Variants in SUFU observed in about 807,000 individuals in gnomAD.
The protein encoded by SUFU is SUFU negative regulator of hedgehog signaling.
Under a neutral mutation model 58.9 loss-of-function variants are expected in SUFU, and 7 were observed. The observed-to-expected ratio is 0.12, with a 90% CI of 0.07 to 0.22. The LOEUF is 0.22. SUFU is among the 10% of genes least tolerant of loss of function. The probability of loss-of-function intolerance (pLI) is 1.00; values close to 1 mark genes in which losing one functional copy is unlikely to be tolerated. For missense variants in SUFU, 451 were observed against 641.3 expected (o/e 0.70, Z 3.20); for synonymous variants, 232 against 254.8 (o/e 0.91, Z 0.85).
chr10:102,509,149 CTG>C lies in SUFU; in HGVS notation c.183-16_183-15del. 6.2e-7 allele frequency: 1 copy of C among 1,613,522 alleles called. No homozygotes were observed. The highest frequency in any genetic ancestry group is 8.5e-7 in the Non-Finnish European group (1 of 1,180,000). ...GATTTCCAGGCTTACACTAACACCC[CTG>C]TGTTTTGTTTTTTGCAGGTTGGGTG... On this transcript the variant is annotated intron_variant, in intron 1 of 11. Coordinates refer to ENST00000369902, the MANE Select transcript of SUFU (RefSeq NM_016169.4).
chr10:102,608,806 C>G (rs1235151589), intron 8 of SUFU, among the ~76,000 whole-genome samples: 2 of 152,208 alleles, frequency 1.3e-5, no homozygotes, highest in Non-Finnish European at 2.9e-5. Context: ...TACATTTTCC[C>G]TCTGTCCTCC....
chr10:102,555,833 A>G (rs939852318), intron 3 of SUFU, among the ~76,000 whole-genome samples: 1 of 152,240 alleles, frequency 6.6e-6, no homozygotes, highest in Non-Finnish European at 1.5e-5. Flanking sequence ...GTTACACGCT[A>G]CAAGAGTTAC....
chr10:102,605,575 T>C (rs898470485), intron 8 of SUFU, among the ~76,000 whole-genome samples: 1 of 152,192 alleles, frequency 6.6e-6, no homozygotes, highest in Non-Finnish European at 1.5e-5. Context: ...TTTACTCCTA[T>C]ATTGTCCTTA....
chr10:102,504,338 T>G lies in SUFU; in HGVS notation c.182+4T>G. On this transcript the variant is annotated splice_donor_region_variant and intron_variant, in intron 1 of 11. Transcript: ENST00000369902. Reference sequence around the variant, plus strand: ...TTACCGCTATCGTCAAGTACTGGTATGCTCTGGGCCGCGGGGAGACGGACA... The same window carrying G: ...TTACCGCTATCGTCAAGTACTGGTAGGCTCTGGGCCGCGGGGAGACGGACA... 6.2e-7 allele frequency: 1 copy of G among 1,614,078 alleles called. No homozygotes were observed. The highest frequency in any genetic ancestry group is 1.3e-5 in the African/African-American group (1 of 75,032).
rs759362076 is a variant in SUFU at position 102,630,164 on chromosome 10, G to A, written c.*9G>A. The A allele has an allele frequency of 5.6e-6, 9 of 1,612,410 alleles. No individual in the cohort carries two copies. In the South Asian group the frequency reaches 9.9e-5, roughly 18 times the overall value. On this transcript the variant is annotated 3_prime_UTR_variant, in exon 12 of 12. Coordinates refer to ENST00000369902, the MANE Select transcript of SUFU (RefSeq NM_016169.4). ...ACAGTCCGCTACACTAGCCTGGGCT[G>A]GGCCCTGCAGTGGCCAGCAGGGAGC... is the stretch of plus-strand genomic sequence containing the variant.
intron 3 of SUFU, among the ~76,000 whole-genome samples, chr10:102,563,543 A>G (rs2063059549): frequency 6.6e-6 from 1 of 151,964 alleles, no homozygotes; most frequent in Non-Finnish European, 1.5e-5. Context: ...GTGGTGGCTT[A>G]TACGTGTACT....
At chr10:102,614,322 G>A (rs899186359) in intron 8 of SUFU, among the ~76,000 whole-genome samples, 1 of 149,806 alleles carries the variant, frequency 6.7e-6, no homozygotes, top group African/African-American at 2.5e-5. Flanking sequence ...TTGGGAGGCC[G>A]AGGTAGGCAG....
chr10:102,573,179 TC>T (rs1590043531), intron 3 of SUFU: 1 of 764,328 alleles, frequency 1.3e-6, no homozygotes, highest in Non-Finnish European at 2.4e-6. Flanking sequence ...TGCTTTGGCT[TC>T]GGCTTTAGGA....
intron 2 of SUFU, among the ~76,000 whole-genome samples, chr10:102,513,821 T>C (rs926464941): frequency 2.0e-5 from 3 of 152,258 alleles, no homozygotes; most frequent in African/African-American, 7.2e-5. Flanking sequence ...TTGTTGCCAC[T>C]TGTAGTATTA....
At position 102,504,084 on chromosome 10, in the gene SUFU, C is replaced by G; in HGVS notation, c.-69C>G. 6.7e-7 allele frequency: 1 copy of G among 1,486,600 alleles called. No homozygotes were observed. The highest frequency in any genetic ancestry group is 1.4e-5 in the African/African-American group (1 of 71,400). The allele number at this position is 1,486,600 out of a possible 1,614,324, so 92.1% of individuals were successfully genotyped here. On this transcript the variant is annotated 5_prime_UTR_variant, in exon 1 of 12. Coordinates refer to ENST00000369902, the MANE Select transcript of SUFU (RefSeq NM_016169.4). ...GAGTCTCACCCACCGAGTCCGCCCG[C>G]TGGCCCGTCAGTGCTCTCCCCGTCG...
intron 8 of SUFU, among the ~76,000 whole-genome samples, chr10:102,606,373 GGGCTGGTCCTCGC>G (rs2063562858): frequency 6.6e-6 from 1 of 152,178 alleles, no homozygotes; most frequent in South Asian, 2.1e-4. Context: ...AAGGAATCCT[GGGCTGGTCCTCGC>G]GGCTGAGTGG....
At chr10:102,533,107 T>G (rs1024791856) in intron 2 of SUFU, among the ~76,000 whole-genome samples, 1 of 151,946 alleles carries the variant, frequency 6.6e-6, no homozygotes, top group African/African-American at 2.4e-5. Context: ...CAGCTGCACA[T>G]GGGGAGAGGG....
chr10:102,504,268 G>A lies in SUFU; in HGVS notation c.116G>A (p.Gly39Glu), dbSNP rs756123785. The A allele has an allele frequency of 6.2e-7, 1 of 1,614,012 alleles. No individual in the cohort carries two copies. Among genetic ancestry groups the A allele is most frequent in the Non-Finnish European group, 8.5e-7 (1 of 1,180,010 alleles). ...CCCCCGGGACTGCACGCCATCTACGGAGAGTGCCGCCGCCTTTACCCTGAC... is the reference window on the plus strand; with the variant it reads ...CCCCCGGGACTGCACGCCATCTACGAAGAGTGCCGCCGCCTTTACCCTGAC... Reference protein sequence around the residue: ...LFPPGLHAIYGECRRLYPDQP... With the variant: ...LFPPGLHAIYEECRRLYPDQP... The change falls in exon 1 of 12, where the codon GGA (glycine) becomes GAA (glutamate). Residue 39 changes from glycine (G) to glutamate (E), a missense_variant. Physicochemically the swap from Gly to Glu is moderately conservative, Grantham distance 98. Transcript: ENST00000369902.
chr10:102,534,382 G>A (rs1024219983), intron 2 of SUFU, among the ~76,000 whole-genome samples: 2 of 152,164 alleles, frequency 1.3e-5, no homozygotes, highest in African/African-American at 2.4e-5. Flanking sequence ...AGCCAAGATC[G>A]TGCCACTGCA....
intron 8 of SUFU, among the ~76,000 whole-genome samples, chr10:102,600,075 A>G (rs1034279530): frequency 6.6e-6 from 1 of 152,222 alleles, no homozygotes; most frequent in Middle Eastern, 3.4e-3. Flanking sequence ...CTGCCTGTCC[A>G]GGGGCCCCTG....
chr10:102,536,707 C>T (rs1351652408), intron 2 of SUFU, among the ~76,000 whole-genome samples: 2 of 152,062 alleles, frequency 1.3e-5, no homozygotes, highest in African/African-American at 2.4e-5. Flanking sequence ...TTTAAAATTT[C>T]GTATTTACAT....
chr10:102,555,686 TGTAA>T (rs1328123279), intron 3 of SUFU, among the ~76,000 whole-genome samples: 1 of 152,184 alleles, frequency 6.6e-6, no homozygotes, highest in Non-Finnish European at 1.5e-5. Flanking sequence ...CTTTCTATAG[TGTAA>T]GTAATTGCCC....
rs1357846729 is a variant in SUFU, at chr10:102,592,636, G to C, written c.509G>C (p.Ser170Thr). 6.2e-7 allele frequency: 1 copy of C among 1,614,184 alleles called. No homozygotes were observed. Among genetic ancestry groups the C allele is most frequent in the Admixed American group, 1.7e-5 (1 of 60,026 alleles). The change falls in exon 4 of 12, where the codon AGT (serine) becomes ACT (threonine). Residue 170 changes from serine to threonine, a missense_variant. Transcript: ENST00000369902. ...TCCTGGCACAGCCCTTTGGATAACA[G>C]TGAGTCAAGAATTCAGCACATGCTG... ...HVSWHSPLDN[S>T]ESRIQHMLLT...
chr10:102,583,353 C>T (rs935602063), intron 3 of SUFU, among the ~76,000 whole-genome samples: 3 of 152,184 alleles, frequency 2.0e-5, no homozygotes, highest in Non-Finnish European at 4.4e-5. Flanking sequence ...GGAAGTTGCA[C>T]TTTCTGCTCC....
Sources: allele counts gnomAD v4.1 joint callset (sites outside exome capture counted in the v4.1 genomes callset), GRCh38; gene constraint gnomAD v4.1.1; transcripts MANE v1.5; gene names NCBI Gene and HGNC (gene_info 2026-07-23, HGNC 2026-07-21).